TLL1: variants seen among roughly 807,000 people sequenced by gnomAD.
The protein encoded by TLL1 is tolloid-like protein 1.
Under a neutral mutation model 128.2 loss-of-function variants are expected in TLL1, and 49 were observed. That is an observed-to-expected ratio of 0.38 (90% CI 0.30 to 0.48). The LOEUF (loss-of-function observed/expected upper bound fraction) is 0.48, where lower values mean the gene tolerates loss of function less well. Among genes scored for constraint, TLL1 ranks in the 20% least tolerant of loss-of-function variants. The pLI, the probability that TLL1 is intolerant of heterozygous loss-of-function variation, is 0.96. For synonymous variants in TLL1, 454 were observed against 418.8 expected (o/e 1.08, Z -1.03); for missense variants, 1,123 against 1,242.0 (o/e 0.90, Z 1.44).
intron 1 of TLL1, among the ~76,000 whole-genome samples, chr4:165,919,358 G>T (rs1732925719): frequency 6.7e-6 from 1 of 149,174 alleles, no homozygotes; most frequent in South Asian, 2.1e-4. Flanking sequence ...ACTCCAGCCT[G>T]GGTGACAGAA....
At chr4:166,021,839 T>C (rs535433737) in intron 8 of TLL1, among the ~76,000 whole-genome samples, 7 of 152,128 alleles carry the variant, frequency 4.6e-5, no homozygotes, top group Non-Finnish European at 1.0e-4. Context: ...CTTGCCTTTA[T>C]TTTTATATCC....
intron 17 of TLL1, among the ~76,000 whole-genome samples, chr4:166,077,523 G>A (rs192055216): frequency 2.0e-5 from 3 of 152,222 alleles, no homozygotes; most frequent in Admixed American, 2.0e-4. Context: ...AATTGAAAAT[G>A]GCATAGTCCA....
At chr4:165,890,709 G>T (rs753758234) in intron 1 of TLL1, among the ~76,000 whole-genome samples, 1 of 152,202 alleles carries the variant, frequency 6.6e-6, no homozygotes, top group Admixed American at 6.5e-5. Flanking sequence ...TTCTCTCCTG[G>T]CTGCCTTAAT....
intron 12 of TLL1, among the ~76,000 whole-genome samples, chr4:166,046,662 A>G (rs1296095170): frequency 6.6e-6 from 1 of 152,194 alleles, no homozygotes; most frequent in Admixed American, 6.5e-5. Context: ...CTGAGAAAAC[A>G]CGTGTGTCAG....
At chr4:165,878,733 C>G (rs895924424) in intron 1 of TLL1, among the ~76,000 whole-genome samples, 2 of 152,042 alleles carry the variant, frequency 1.3e-5, no homozygotes, top group Non-Finnish European at 2.9e-5. Flanking sequence ...AACCTCTTCT[C>G]TTAGCTAGTT....
intron 16 of TLL1, among the ~76,000 whole-genome samples, chr4:166,074,230 AG>A: frequency 6.6e-6 from 1 of 152,116 alleles, no homozygotes; most frequent in South Asian, 2.1e-4. Flanking sequence ...CTACCAGAGT[AG>A]ATTTGTTTAA....
intron 1 of TLL1, among the ~76,000 whole-genome samples, chr4:165,953,187 A>C (rs1401826379): frequency 6.6e-6 from 1 of 152,152 alleles, no homozygotes; most frequent in Non-Finnish European, 1.5e-5. Context: ...TACATGTTGA[A>C]ACTAAACTAT....
At chr4:165,991,087 T>C (rs532742583) in intron 2 of TLL1, among the ~76,000 whole-genome samples, 1 of 152,130 alleles carries the variant, frequency 6.6e-6, no homozygotes, top group East Asian at 1.9e-4. Context: ...TTTCATTAGC[T>C]CTAAGCTTTA....
chr4:165,970,191 G>A (rs186582247), intron 1 of TLL1, among the ~76,000 whole-genome samples: 4 of 152,032 alleles, frequency 2.6e-5, no homozygotes, highest in East Asian at 3.9e-4. Context: ...TTAATCAGAC[G>A]ATATTTATGT....
chr4:165,904,413 T>C (rs369943161), intron 1 of TLL1, among the ~76,000 whole-genome samples: 1 of 152,298 alleles, frequency 6.6e-6, no homozygotes, highest in African/African-American at 2.4e-5. Context: ...CATTTGTTCT[T>C]AGTTCTGTGA....
At chr4:165,982,183 G>C (rs28452338) in intron 1 of TLL1, among the ~76,000 whole-genome samples, 11,150 of 151,912 alleles carry the variant, frequency 0.073, 1,335 homozygotes, top group African/African-American at 0.25. Context: ...TTAATTATCT[G>C]TGGCTCAAAT....
chr4:165,935,315 G>A (rs1363135760), intron 1 of TLL1, among the ~76,000 whole-genome samples: 1 of 152,136 alleles, frequency 6.6e-6, no homozygotes, highest in Non-Finnish European at 1.5e-5. Context: ...TTAATGCTTA[G>A]TTACCTTAGG....
intron 1 of TLL1, among the ~76,000 whole-genome samples, chr4:165,931,659 C>T (rs1198211907): frequency 2.0e-5 from 3 of 150,222 alleles, no homozygotes; most frequent in Non-Finnish European, 3.0e-5. Flanking sequence ...GTGGAGCTTG[C>T]AGTGAGCTGA....
At chr4:165,989,559 TATTTTTGGATC>T in intron 2 of TLL1, 68 bp downstream of exon 2, 2 of 1,159,398 alleles carry the variant, frequency 1.7e-6, no homozygotes, top group Non-Finnish European at 1.3e-6. Context: ...GTGCTATAAA[TATTTTTGGATC>T]ATTTTTCATC....
At position 165,885,840 on chromosome 4, in the gene TLL1, G is replaced by A. The variant is rs141467467; in HGVS notation, c.169+11767G>A. Among the ~76,000 whole-genome samples the A allele has an allele frequency of 3.0e-3, 452 of 152,248 alleles. 2 individuals carry two copies. Among genetic ancestry groups the A allele is most frequent in the African/African-American group, 9.1e-3 (379 of 41,556 alleles). On this transcript the variant is annotated intron_variant, in intron 1 of 20. Coordinates refer to ENST00000061240, the MANE Select transcript of TLL1 (RefSeq NM_012464.5). The stretch of plus-strand genomic sequence containing the variant: ...TAGGCAACAAAACTACAGGAAAATT[G>A]TTCTGGCTGAAAGCATTTTACCAAG...
chr4:166,002,858 A>C (rs1737234846), intron 5 of TLL1, among the ~76,000 whole-genome samples: 1 of 152,256 alleles, frequency 6.6e-6, no homozygotes, highest in Admixed American at 6.5e-5. Flanking sequence ...ATCTTTGATA[A>C]ATAAGTTTAA....
At chr4:166,044,928 G>A (rs1235275307) in intron 12 of TLL1, among the ~76,000 whole-genome samples, 1 of 152,142 alleles carries the variant, frequency 6.6e-6, no homozygotes, top group Non-Finnish European at 1.5e-5. Flanking sequence ...TACCTTAGTT[G>A]ATTTGTAGTT....
chr4:165,943,238 C>G (rs901044536), intron 1 of TLL1, among the ~76,000 whole-genome samples: 4 of 151,910 alleles, frequency 2.6e-5, no homozygotes, highest in African/African-American at 9.7e-5. Context: ...GTATTCAAAA[C>G]AGAAAATTTT....
At chr4:165,956,178 A>C (rs529844200) in intron 1 of TLL1, among the ~76,000 whole-genome samples, 1 of 152,240 alleles carries the variant, frequency 6.6e-6, no homozygotes, top group Non-Finnish European at 1.5e-5. Context: ...CAAAGGGCAA[A>C]AGCAGAACTA....
Sources: gnomAD v4.1 joint callset for allele counts (sites outside exome capture counted in the v4.1 genomes callset) on GRCh38, gnomAD v4.1.1 for gene constraint, MANE v1.5 for transcripts, NCBI Gene and HGNC (gene_info 2026-07-23, HGNC 2026-07-21) for gene names.